The following TNNI3K variants were observed in gnomAD, a reference collection of about 807,000 sequenced individuals.
TNNI3K encodes TNNI3 interacting kinase, also known as serine/threonine-protein kinase TNNI3K.
TNNI3K carries 140 observed loss-of-function variants against 114.5 expected under a neutral mutation model. That is an observed-to-expected ratio of 1.22 (90% CI 1.07 to 1.41). The LOEUF (loss-of-function observed/expected upper bound fraction) is 1.41, where lower values mean the gene tolerates loss of function less well. Ranked by LOEUF, TNNI3K falls within the 40% of genes most tolerant of loss-of-function variation. TNNI3K has a pLI of 0.00. For missense variants in TNNI3K, 1,125 were observed against 1,007.6 expected, an observed-to-expected ratio of 1.12 and a Z score of -1.58; for synonymous variants, 347 against 347.5, an observed-to-expected ratio of 1.00 and a Z score of 0.02.
chr1:74,344,156 C>T (rs1457142794), intron 9 of TNNI3K, among the ~76,000 whole-genome samples: 3 of 152,192 alleles, frequency 2.0e-5, no homozygotes, highest in Admixed American at 2.0e-4. Flanking sequence ...CAGGCATCAA[C>T]CTGTCAAATT....
chr1:74,354,962 G>A (rs1661574861), intron 11 of TNNI3K, among the ~76,000 whole-genome samples: 1 of 152,100 alleles, frequency 6.6e-6, no homozygotes, highest in South Asian at 2.1e-4. Context: ...ATGGTGAAAA[G>A]CATCTTTGTA....
At chr1:74,429,654 A>G (rs1342278340) in intron 17 of TNNI3K, among the ~76,000 whole-genome samples, 1 of 152,148 alleles carries the variant, frequency 6.6e-6, no homozygotes, top group South Asian at 2.1e-4. Flanking sequence ...AGGGCAAAAT[A>G]TGGCAGCCAG....
rs763279460 is a variant in TNNI3K, at chr1:74,257,661, C to CCTTTT, written c.333+6892_333+6893insCTTTT. Among the ~76,000 whole-genome samples, 21 of 78,606 alleles carry CCTTTT rather than the reference C, an allele frequency of 2.7e-4. 1 individual carries two copies. Among genetic ancestry groups the CCTTTT allele is most frequent in the Non-Finnish European group, 4.3e-4 (14 of 32,518 alleles). The allele number at this position is 78,606 out of a possible 152,430, so 51.6% of individuals were successfully genotyped here. A position where few individuals can be genotyped will look rare whatever the true frequency, so the allele number is the denominator to read the frequency against. ...GTTTGAACTTAGCCTCTTGGCTTAC[C>CCTTTT]TCTTTTTTTTTTTTTTTTTTTTTTT... On this transcript the variant is annotated intron_variant, in intron 4 of 24. Coordinates refer to ENST00000326637, the MANE Select transcript of TNNI3K (RefSeq NM_015978.3).
chr1:74,522,711 A>G (rs1646450920), intron 23 of TNNI3K, among the ~76,000 whole-genome samples: 1 of 152,096 alleles, frequency 6.6e-6, no homozygotes, highest in Admixed American at 6.6e-5. Context: ...CCAGAATAAC[A>G]TGATTCATTT....
chr1:74,480,806 C>T (rs750411086), intron 21 of TNNI3K: 6 of 717,386 alleles, frequency 8.4e-6, no homozygotes, highest in Non-Finnish European at 1.6e-5. Flanking sequence ...CAACAAGGTC[C>T]GCAACATCGT....
chr1:74,510,118 T>G (rs1444236692), intron 23 of TNNI3K, among the ~76,000 whole-genome samples: 3 of 152,056 alleles, frequency 2.0e-5, no homozygotes, highest in Non-Finnish European at 4.4e-5. Flanking sequence ...GTTCTGAGTT[T>G]AAACATGACT....
chr1:74,235,483 C>T lies in TNNI3K; in HGVS notation c.32C>T (p.Thr11Ile). Residue 11 changes from threonine (T) to isoleucine (I), a missense_variant, in exon 1 of 25, where the codon ACT becomes ATT. By Grantham distance (89) the Thr-to-Ile change is moderately conservative. Coordinates refer to ENST00000326637, the MANE Select transcript of TNNI3K (RefSeq NM_015978.3). MGNYKSRPTQ[T>I]CTDEWKKKVS... ...AATTATAAATCTAGACCAACCCAAA[C>T]TTGTACTGGTAATTATTCTAATTAT... 6.8e-7 allele frequency: 1 copy of T among 1,469,958 alleles called. No individual in the cohort carries two copies. The highest frequency in any genetic ancestry group is 9.4e-7 in the Non-Finnish European group (1 of 1,067,152). The allele number at this position is 1,469,958 out of a possible 1,614,324, so 91.1% of individuals were successfully genotyped here.
At chr1:74,278,137 C>T (rs481173) in intron 5 of TNNI3K, among the ~76,000 whole-genome samples, 1 of 152,080 alleles carries the variant, frequency 6.6e-6, no homozygotes, top group Non-Finnish European at 1.5e-5. Flanking sequence ...GTTTCTCTCT[C>T]TCTCTTATTT....
rs1234823064 is a variant in TNNI3K, at chr1:74,445,603, C to CTT, written c.2011+5988_2011+5989dup. On this transcript the variant is annotated intron_variant, in intron 20 of 24. Coordinates refer to ENST00000326637, the MANE Select transcript of TNNI3K (RefSeq NM_015978.3). ...CCATGGTGTATATGTTCCACATTTT[C>CTT]TTTTTTTTCTTTTTTTCTTTTTTTT... Among the ~76,000 whole-genome samples, 367 of 131,082 alleles carry CTT rather than the reference C, an allele frequency of 2.8e-3. 19 individuals carry two copies. The highest frequency in any genetic ancestry group is 0.011 in the African/African-American group (354 of 32,644). The allele number at this position is 131,082 out of a possible 152,430, so 86.0% of individuals were successfully genotyped here.
chr1:74,271,560 T>G, intron 4 of TNNI3K, 38 bp from the exon 5 acceptor site: 1 of 1,555,540 alleles, frequency 6.4e-7, no homozygotes, highest in Non-Finnish European at 8.7e-7. Flanking sequence ...AACCTGTTAT[T>G]AGCAGAAAAG....
At chr1:74,278,977 C>T (rs1656842861) in intron 5 of TNNI3K, among the ~76,000 whole-genome samples, 1 of 151,402 alleles carries the variant, frequency 6.6e-6, no homozygotes, top group Non-Finnish European at 1.5e-5. Context: ...TTTAGCAAAA[C>T]AGAAAAAGAT....
intron 7 of TNNI3K, among the ~76,000 whole-genome samples, chr1:74,340,051 C>A (rs1053850148): frequency 3.9e-5 from 6 of 151,982 alleles, no homozygotes; most frequent in Non-Finnish European, 8.8e-5. Context: ...ATGTATTACA[C>A]AGATCTGTTA....
intron 17 of TNNI3K, among the ~76,000 whole-genome samples, chr1:74,417,961 A>G (rs980631861): frequency 2.0e-5 from 3 of 152,096 alleles, no homozygotes; most frequent in African/African-American, 7.2e-5. Context: ...TGAGACATCT[A>G]TTTCCAATTT....
chr1:74,388,255 GT>G (rs1663590203), intron 17 of TNNI3K, among the ~76,000 whole-genome samples: 1 of 151,826 alleles, frequency 6.6e-6, no homozygotes, highest in African/African-American at 2.4e-5. Context: ...TCCAGCCTGG[GT>G]GGCAGAGCAA....
At chr1:74,399,156 TAA>T (rs1234711047) in intron 17 of TNNI3K, among the ~76,000 whole-genome samples, 3,848 of 76,874 alleles carry the variant, frequency 0.05, 218 homozygotes, top group African/African-American at 0.17. Context: ...CAAAACCCAT[TAA>T]AAAAAAAAAA....
chr1:74,513,031 G>A (rs1646285230), intron 23 of TNNI3K, among the ~76,000 whole-genome samples: 1 of 152,132 alleles, frequency 6.6e-6, no homozygotes, highest in Non-Finnish European at 1.5e-5. Context: ...AAATAGTCTT[G>A]ACTCTTTAAA....
At chr1:74,501,773 C>A (rs1382274895) in intron 23 of TNNI3K, among the ~76,000 whole-genome samples, 1 of 152,038 alleles carries the variant, frequency 6.6e-6, no homozygotes, top group Non-Finnish European at 1.5e-5. Flanking sequence ...AAGCATGAGC[C>A]ACCGCATCCG....
intron 4 of TNNI3K, among the ~76,000 whole-genome samples, chr1:74,257,598 G>A (rs1655395307): frequency 6.7e-6 from 1 of 148,508 alleles, no homozygotes; most frequent in Admixed American, 6.7e-5. Flanking sequence ...AATCAAATCA[G>A]TCTTGATTTG....
chr1:74,473,634 T>C (rs1367667092), intron 21 of TNNI3K, among the ~76,000 whole-genome samples: 3 of 151,954 alleles, frequency 2.0e-5, no homozygotes, highest in African/African-American at 7.3e-5. Flanking sequence ...GGATACTCCA[T>C]CTCCAATTTT....
Sources: allele counts gnomAD v4.1 joint callset (sites outside exome capture counted in the v4.1 genomes callset), GRCh38; gene constraint gnomAD v4.1.1; transcripts MANE v1.5; gene names NCBI Gene and HGNC (gene_info 2026-07-23, HGNC 2026-07-21).